The following SH3BGRL2 variants were observed in gnomAD, a reference collection of about 807,000 sequenced individuals.
SH3BGRL2 encodes SH3 domain-binding glutamic acid-rich-like protein 2.
Under a neutral mutation model 14.8 loss-of-function variants are expected in SH3BGRL2, and 21 were observed. The ratio of observed to expected loss-of-function variants is 1.42; its 90% CI spans 1.01 to 2.05. SH3BGRL2 has a LOEUF of 2.05. Ranked by LOEUF, SH3BGRL2 falls within the 30% of genes most tolerant of loss-of-function variation. The pLI, the probability that SH3BGRL2 is intolerant of heterozygous loss-of-function variation, is 0.00. For missense variants in SH3BGRL2, 147 were observed against 130.8 expected, an observed-to-expected ratio of 1.12 and a Z score of -0.61; for synonymous variants, 50 against 47.8, an observed-to-expected ratio of 1.05 and a Z score of -0.19.
At chr6:79,598,286 G>A in the SH3BGRL2 span, among the ~76,000 whole-genome samples, 1 of 152,102 alleles carries the variant, frequency 6.6e-6, no homozygotes, top group Non-Finnish European at 1.5e-5. Flanking sequence ...ACAAAAATAT[G>A]TACATGAACG....
the SH3BGRL2 span, among the ~76,000 whole-genome samples, chr6:79,598,513 C>T: frequency 3.5e-4 from 53 of 152,128 alleles, no homozygotes; most frequent in Middle Eastern, 3.2e-3. Flanking sequence ...TCACAAACAA[C>T]CACATATTGT....
At chr6:79,585,054 T>A in the SH3BGRL2 span, among the ~76,000 whole-genome samples, 82,111 of 148,186 alleles carry the variant, frequency 0.55, 23,149 homozygotes, top group Non-Finnish European at 0.61. Flanking sequence ...CTTTTTTTTT[T>A]AAAAAAAAAA....
the SH3BGRL2 span, among the ~76,000 whole-genome samples, chr6:79,543,665 A>G: frequency 6.6e-6 from 1 of 152,204 alleles, no homozygotes; most frequent in Admixed American, 6.5e-5. Flanking sequence ...GAAACCCCAT[A>G]TTAAAAACAG....
At chr6:79,653,360 TA>T in intron 1 of SH3BGRL2, among the ~76,000 whole-genome samples, 1 of 152,206 alleles carries the variant, frequency 6.6e-6, no homozygotes, top group Admixed American at 6.5e-5. Flanking sequence ...TTTCAGTCTT[TA>T]AATCATCTGA....
chr6:79,572,442 TTTTTA>T, the SH3BGRL2 span, among the ~76,000 whole-genome samples: 750 of 151,008 alleles, frequency 5.0e-3, 13 homozygotes, highest in African/African-American at 0.016. Context: ...ATGGCATCTA[TTTTTA>T]TTTTATTTTA....
Position 79,692,039 on chromosome 6 carries a change from A to G in SH3BGRL2, c.232-4446A>G, listed in dbSNP as rs972107372. On this transcript the variant is annotated intron_variant, in intron 2 of 3. Coordinates refer to ENST00000369838, the MANE Select transcript of SH3BGRL2 (RefSeq NM_031469.4). The stretch of plus-strand genomic sequence containing the variant: ...CCTGTTGTTTCCTGACTTTTTAATG[A>G]TCACCAGTCTAACTGGTGTGAGATG... 2.2e-4 allele frequency among the ~76,000 whole-genome samples: 34 copies of G among 152,268 alleles called. 1 individual carries two copies. The highest frequency in any genetic ancestry group is 1.2e-3 in the East Asian group (6 of 5,178).
the SH3BGRL2 span, among the ~76,000 whole-genome samples, chr6:79,591,353 A>G: frequency 1.3e-5 from 2 of 152,100 alleles, no homozygotes; most frequent in Non-Finnish European, 2.9e-5. Context: ...CACACTTTCT[A>G]TACTTTCCTA....
intron 2 of SH3BGRL2, among the ~76,000 whole-genome samples, chr6:79,675,783 T>C (rs1353351876): frequency 6.6e-6 from 1 of 152,080 alleles, no homozygotes; most frequent in East Asian, 1.9e-4. Context: ...AGATCTTAAC[T>C]AAAGATATTA....
the SH3BGRL2 span, among the ~76,000 whole-genome samples, chr6:79,556,892 A>T: frequency 6.6e-6 from 1 of 151,096 alleles, no homozygotes; most frequent in Non-Finnish European, 1.5e-5. Context: ...AAAAACATTA[A>T]CTGTCTTTGG....
intron 1 of SH3BGRL2, among the ~76,000 whole-genome samples, chr6:79,640,544 T>C (rs1311432516): frequency 1.3e-5 from 2 of 152,190 alleles, no homozygotes; most frequent in Non-Finnish European, 2.9e-5. Context: ...ATTTTGTTGG[T>C]CACCTTTGTT....
the SH3BGRL2 span, among the ~76,000 whole-genome samples, chr6:79,616,521 G>C: frequency 6.6e-6 from 1 of 151,998 alleles, no homozygotes; most frequent in Admixed American, 6.5e-5. Flanking sequence ...ATGGCTATGT[G>C]AGAGGTGGCT....
intron 2 of SH3BGRL2, among the ~76,000 whole-genome samples, chr6:79,692,539 T>G (rs1256124471): frequency 6.6e-6 from 1 of 152,174 alleles, no homozygotes; most frequent in Non-Finnish European, 1.5e-5. Context: ...TTGTATAAGG[T>G]GTAAGGAAGG....
At chr6:79,602,669 C>T in the SH3BGRL2 span, among the ~76,000 whole-genome samples, 1 of 152,162 alleles carries the variant, frequency 6.6e-6, no homozygotes, top group Non-Finnish European at 1.5e-5. Context: ...CTTAAGGATA[C>T]ATGCCTACCT....
intron 2 of SH3BGRL2, among the ~76,000 whole-genome samples, chr6:79,692,457 G>C (rs372441085): frequency 2.6e-5 from 4 of 152,182 alleles, no homozygotes; most frequent in South Asian, 2.1e-4. Flanking sequence ...ATGGTATTGC[G>C]TAGGTTTTCT....
At chr6:79,697,491 A>T (rs1175275821) in intron 3 of SH3BGRL2, among the ~76,000 whole-genome samples, 1 of 152,130 alleles carries the variant, frequency 6.6e-6, no homozygotes, top group East Asian at 1.9e-4. Context: ...GCTACCCAGG[A>T]TTTGTACCAT....
the SH3BGRL2 span, among the ~76,000 whole-genome samples, chr6:79,603,533 C>T: frequency 1.4e-4 from 21 of 152,184 alleles, no homozygotes; most frequent in African/African-American, 3.9e-4. Flanking sequence ...GCAAAGGATG[C>T]GCCTTTCCAG....
At chr6:79,565,572 T>A in the SH3BGRL2 span, among the ~76,000 whole-genome samples, 3 of 152,206 alleles carry the variant, frequency 2.0e-5, no homozygotes, top group African/African-American at 7.2e-5. Flanking sequence ...GTAGAGACGC[T>A]ATTTATTATC....
intron 1 of SH3BGRL2, among the ~76,000 whole-genome samples, chr6:79,631,899 C>T (rs1768833707): frequency 6.6e-6 from 1 of 152,182 alleles, no homozygotes; most frequent in Admixed American, 6.5e-5. Context: ...TGCACGGGAG[C>T]CTTTTCTGCT....
the SH3BGRL2 span, among the ~76,000 whole-genome samples, chr6:79,600,661 C>CA: frequency 1.3e-5 from 2 of 152,060 alleles, no homozygotes; most frequent in African/African-American, 4.8e-5. Context: ...AACCAGGCCC[C>CA]CACCAGCTCA....
Sources: gnomAD v4.1 joint callset for allele counts (sites outside exome capture counted in the v4.1 genomes callset) on GRCh38, gnomAD v4.1.1 for gene constraint, MANE v1.5 for transcripts, NCBI Gene and HGNC (gene_info 2026-07-23, HGNC 2026-07-21) for gene names.